GALNTL6: variants seen among roughly 807,000 people sequenced by gnomAD.
The protein encoded by GALNTL6 is polypeptide N-acetylgalactosaminyltransferase-like 6.
Under a neutral mutation model 73.7 loss-of-function variants are expected in GALNTL6, and 46 were observed. That is an observed-to-expected ratio of 0.62 (90% confidence interval 0.49 to 0.80). The LOEUF (loss-of-function observed/expected upper bound fraction) is 0.80. Among genes scored for constraint, GALNTL6 ranks in the 30% least tolerant of loss-of-function variants. The probability of loss-of-function intolerance (pLI) is 0.00; values close to 1 mark genes in which losing one functional copy is unlikely to be tolerated. For missense variants in GALNTL6, 604 were observed against 755.0 expected, an observed-to-expected ratio of 0.80 and a Z score of 2.34; for synonymous variants, 259 against 263.7, an observed-to-expected ratio of 0.98 and a Z score of 0.17.
At chr4:171,874,811 A>G (rs931593718) in intron 2 of GALNTL6, among the ~76,000 whole-genome samples, 5 of 152,238 alleles carry the variant, frequency 3.3e-5, no homozygotes, top group African/African-American at 4.8e-5. Flanking sequence ...TCAGGAAATA[A>G]AACATTAAAT....
At chr4:172,026,481 C>G (rs1285674114) in intron 2 of GALNTL6, among the ~76,000 whole-genome samples, 1 of 152,094 alleles carries the variant, frequency 6.6e-6, no homozygotes, top group Non-Finnish European at 1.5e-5. Flanking sequence ...GCCACATGCG[C>G]TCCTTGAACA....
intron 2 of GALNTL6, among the ~76,000 whole-genome samples, chr4:171,993,497 C>CCA (rs772593204): frequency 2.2e-4 from 33 of 152,052 alleles, no homozygotes; most frequent in Non-Finnish European, 1.0e-4. Context: ...ACCCTATTGT[C>CCA]AATGGACAGC....
At chr4:172,667,760 A>T (rs1254671512) in intron 5 of GALNTL6, 4 of 152,262 alleles carry the variant, frequency 2.6e-5, no homozygotes, top group African/African-American at 9.6e-5. Context: ...CAGCTGCACT[A>T]TGCAAATGAT....
At chr4:172,466,163 TC>T (rs1474271547) in intron 5 of GALNTL6, among the ~76,000 whole-genome samples, 1 of 152,102 alleles carries the variant, frequency 6.6e-6, no homozygotes, top group Non-Finnish European at 1.5e-5. Flanking sequence ...TCTAGCAAAA[TC>T]TCACAAGATG....
At chr4:171,924,009 A>G (rs1303637429) in intron 2 of GALNTL6, among the ~76,000 whole-genome samples, 1 of 152,104 alleles carries the variant, frequency 6.6e-6, no homozygotes, top group Non-Finnish European at 1.5e-5. Context: ...AAGTAAATAC[A>G]ACAAAATTAT....
intron 5 of GALNTL6, among the ~76,000 whole-genome samples, chr4:172,516,087 A>G (rs933641291): frequency 6.6e-6 from 1 of 152,234 alleles, no homozygotes; most frequent in Non-Finnish European, 1.5e-5. Context: ...CAGTACCTTT[A>G]TACATTTTAC....
intron 5 of GALNTL6, among the ~76,000 whole-genome samples, chr4:172,492,843 T>C (rs1193898168): frequency 6.6e-6 from 1 of 152,138 alleles, no homozygotes; most frequent in Non-Finnish European, 1.5e-5. Flanking sequence ...ATAAAAGTCA[T>C]GGTTGGGGAA....
intron 2 of GALNTL6, among the ~76,000 whole-genome samples, chr4:171,899,913 C>A (rs2110940809): frequency 6.6e-6 from 1 of 152,308 alleles, no homozygotes; most frequent in African/African-American, 2.4e-5. Context: ...CTTCCACACC[C>A]TACTTCCCTC....
At chr4:172,192,871 G>C (rs2110882436) in intron 2 of GALNTL6, among the ~76,000 whole-genome samples, 1 of 152,308 alleles carries the variant, frequency 6.6e-6, no homozygotes, top group African/African-American at 2.4e-5. Flanking sequence ...CTGGTGCCCA[G>C]GATATGCACA....
chr4:172,192,410 C>A (rs950707440), intron 2 of GALNTL6, among the ~76,000 whole-genome samples: 1 of 151,818 alleles, frequency 6.6e-6, no homozygotes, highest in Non-Finnish European at 1.5e-5. Flanking sequence ...CTAGAAGCAG[C>A]ATCAGTCAGT....
chr4:172,948,484 C>G (rs1024948151), intron 9 of GALNTL6, among the ~76,000 whole-genome samples: 1 of 151,512 alleles, frequency 6.6e-6, no homozygotes, highest in South Asian at 2.1e-4. Context: ...CAGAGTTTTG[C>G]TTTTTTTGCC....
At chr4:172,153,544 C>G (rs921255562) in intron 2 of GALNTL6, among the ~76,000 whole-genome samples, 1 of 152,168 alleles carries the variant, frequency 6.6e-6, no homozygotes, top group African/African-American at 2.4e-5. Context: ...GCAAGCATTA[C>G]TAAAATGCCA....
chr4:172,034,395 C>CGTGT lies in GALNTL6; in HGVS notation c.139-195258_139-195257insTGTG, dbSNP rs1180185966. On this transcript the variant is annotated intron_variant, in intron 2 of 12. Coordinates refer to ENST00000506823, the MANE Select transcript of GALNTL6 (RefSeq NM_001034845.3). ...TCTATTCTTCCTTAAGGGGAGCGTG[C>CGTGT]GTGCGTGTGTGTGTGTGTGTGTGTG... is the stretch of plus-strand genomic sequence containing the variant. 4.9e-3 allele frequency among the ~76,000 whole-genome samples: 691 copies of CGTGT among 139,644 alleles called. 5 individuals carry two copies. Among genetic ancestry groups the CGTGT allele is most frequent in the Middle Eastern group, 7.4e-3 (2 of 270 alleles). 91.6% of individuals were successfully genotyped at this position (139,644 alleles called of 152,430 possible).
In GALNTL6 at chr4:172,279,279, AC is replaced by A. The variant is rs553245486; in HGVS notation, c.248-32333del. The stretch of plus-strand genomic sequence containing the variant: ...AGGACACCATCAAAGTGAAAAGGTA[AC>A]CATTGAAATGGGAGAAAATATTTCT... On this transcript the variant is annotated intron_variant, in intron 3 of 12. Transcript: ENST00000506823. Among the ~76,000 whole-genome samples the A allele has an allele frequency of 4.6e-5, 7 of 152,248 alleles. No homozygotes were observed. In the East Asian group the frequency reaches 1.4e-3, roughly 29 times the overall value.
At chr4:172,460,027 A>G (rs763574339) in intron 5 of GALNTL6, among the ~76,000 whole-genome samples, 2 of 152,178 alleles carry the variant, frequency 1.3e-5, no homozygotes, top group Non-Finnish European at 2.9e-5. Context: ...ATATAGACCA[A>G]TGGAACGGAA....
intron 7 of GALNTL6, among the ~76,000 whole-genome samples, chr4:172,831,286 C>A (rs1045590667): frequency 6.6e-6 from 1 of 151,264 alleles, no homozygotes; most frequent in African/African-American, 2.4e-5. Context: ...TGCAGAGTGG[C>A]CTAGAACCCA....
At chr4:171,981,661 A>G (rs1739899928) in intron 2 of GALNTL6, among the ~76,000 whole-genome samples, 1 of 152,206 alleles carries the variant, frequency 6.6e-6, no homozygotes, top group Non-Finnish European at 1.5e-5. Flanking sequence ...ATTAAGCATT[A>G]TCACTTCTGC....
chr4:172,224,434 A>G (rs1337373771), intron 2 of GALNTL6, among the ~76,000 whole-genome samples: 1 of 152,226 alleles, frequency 6.6e-6, no homozygotes, highest in East Asian at 1.9e-4. Flanking sequence ...TTGTGACAAT[A>G]AAAGTTCACT....
chr4:172,063,745 T>C lies in GALNTL6; in HGVS notation c.139-165911T>C, dbSNP rs184670430. On this transcript the variant is annotated intron_variant, in intron 2 of 12. Transcript: ENST00000506823. ...CAGTTGTGTTACCTGTACTTATACGTTGGGCTTTCTAAACTTTATATCATT... is the reference window on the plus strand; with the variant it reads ...CAGTTGTGTTACCTGTACTTATACGCTGGGCTTTCTAAACTTTATATCATT... 2.7e-3 allele frequency among the ~76,000 whole-genome samples: 407 copies of C among 152,304 alleles called. 1 individual carries two copies. The highest frequency in any genetic ancestry group is 9.2e-3 in the African/African-American group (384 of 41,580).
Sources: gnomAD v4.1 joint callset for allele counts (sites outside exome capture counted in the v4.1 genomes callset) on GRCh38, gnomAD v4.1.1 for gene constraint, MANE v1.5 for transcripts, NCBI Gene and HGNC (gene_info 2026-07-23, HGNC 2026-07-21) for gene names.